The following LRCH4 variants were observed in gnomAD, a reference collection of about 807,000 sequenced individuals.
LRCH4 encodes the protein leucine-rich repeat and calponin homology domain-containing protein 4.
In LRCH4, 56 loss-of-function variants were observed where a neutral mutation model predicts 81.2. That is an observed-to-expected ratio of 0.69 (90% CI 0.56 to 0.86). LRCH4 has a LOEUF of 0.86. Among genes scored for constraint, LRCH4 ranks in the 40% least tolerant of loss-of-function variants. The pLI is 0.00. For synonymous variants in LRCH4, 442 were observed against 409.7 expected (o/e 1.08, Z -0.95); for missense variants, 895 against 922.8 (o/e 0.97, Z 0.39).
rs763558065 is a variant in LRCH4, at chr7:100,585,921, G to T, written c.180C>A (p.Gly60=). The T allele has an allele frequency of 6.2e-7, 1 of 1,611,476 alleles. No individual in the cohort carries two copies. Among genetic ancestry groups the T allele is most frequent in the Non-Finnish European group, 8.5e-7 (1 of 1,178,722 alleles). ...CTGACAGGTCGTAGCTACGGGCCGC[G>T]CCCCGGGGGAAGTGCTTCAAGCGCC... is the stretch of plus-strand genomic sequence containing the variant. ...SNRRLKHFPR[G]AARSYDLSDI... The change falls in exon 1 of 18, where the codon GGC becomes GGA. Residue 60 remains glycine (G), a synonymous_variant. Transcript: ENST00000310300.
chr7:100,576,336 G>A lies in LRCH4; in HGVS notation c.1553-13C>T, dbSNP rs1415866059. 6.3e-7 allele frequency: 1 copy of A among 1,599,464 alleles called. No homozygotes were observed. The highest frequency in any genetic ancestry group is 1.7e-5 in the Admixed American group (1 of 59,904). On this transcript the variant is annotated splice_polypyrimidine_tract_variant and intron_variant, in intron 14 of 17. Transcript: ENST00000310300. Reference sequence around the variant, plus strand: ...GGTGAGGAAGGGCCTAGGAGAAAAAGGGGGGCATGGGGCTGCCTCCACTGC... The same window carrying A: ...GGTGAGGAAGGGCCTAGGAGAAAAAAGGGGGCATGGGGCTGCCTCCACTGC...
rs369164222 is a variant in LRCH4 at position 100,577,735 on chromosome 7, C to T, written c.1045G>A (p.Gly349Arg). ...ATGAAGTCAATCTGCACAGGGTCTC[C>T]GTCCGCTGGGGAGGCCAGCATGTCA... ...RERKEDGSAD[G>R]DPVQIDFIDS... The change falls in exon 9 of 18, where the codon GGA (glycine) becomes AGA (arginine). Residue 349 changes from glycine to arginine, a missense_variant. Transcript: ENST00000310300. The surrounding 1 kb of genome is among the most constrained non-coding windows in gnomAD (Gnocchi z 6.7). The T allele has an allele frequency of 9.1e-5, 147 of 1,613,972 alleles. No individual in the cohort carries two copies. The highest frequency in any genetic ancestry group is 1.6e-4 in the East Asian group (7 of 44,886).
At position 100,578,493 on chromosome 7, in the gene LRCH4, G is replaced by A; in HGVS notation, c.754C>T (p.Leu252Phe). Reference protein sequence around the residue: ...PPAQVCLKGKLHIFKYLSTEA... With the variant: ...PPAQVCLKGKFHIFKYLSTEA... ...GTGGACAAATACTTGAAGATGTGAA[G>A]TTTCCCCTTCAGGCAGACCTGTGTG... is the stretch of plus-strand genomic sequence containing the variant. The change falls in exon 6 of 18, where the codon CTT (leucine) becomes TTT (phenylalanine). Residue 252 changes from leucine to phenylalanine, a missense_variant. Transcript: ENST00000310300. The surrounding 1 kb of genome is among the most constrained non-coding windows in gnomAD (Gnocchi z 5.7). 1 of 1,614,018 alleles carries A rather than the reference G, an allele frequency of 6.2e-7. No homozygotes were observed. The highest frequency in any genetic ancestry group is 1.3e-5 in the African/African-American group (1 of 75,056).
rs1312089167 is a variant in LRCH4 at position 100,583,201 on chromosome 7, C to T, written c.221-742G>A. 1.3e-5 allele frequency among the ~76,000 whole-genome samples: 2 copies of T among 152,188 alleles called. No homozygotes were observed. The highest frequency in any genetic ancestry group is 4.8e-5 in the African/African-American group (2 of 41,448). On this transcript the variant is annotated intron_variant, in intron 1 of 17. Coordinates refer to ENST00000310300, the MANE Select transcript of LRCH4 (RefSeq NM_002319.5). This position sits in a 1 kb window ranked among gnomAD's most constrained non-coding sequence, Gnocchi z 4.3. ...CCTTCCTACCCTCTGCTAGCCCTAGCAGCCCGGCTCTGCTTCCTCTCTTAC... is the reference window on the plus strand; with the variant it reads ...CCTTCCTACCCTCTGCTAGCCCTAGTAGCCCGGCTCTGCTTCCTCTCTTAC...
Position 100,576,079 on chromosome 7 carries a change from GC to G in LRCH4, c.1639-72del. 9 of 1,529,856 alleles carry G rather than the reference GC, an allele frequency of 5.9e-6. No individual in the cohort carries two copies. The South Asian group carries it at 1.1e-4, about 18-fold the overall frequency. 94.8% of individuals were successfully genotyped at this position (1,529,856 alleles called of 1,614,324 possible). A position where few individuals can be genotyped will look rare whatever the true frequency, so the allele number is the denominator to read the frequency against. On this transcript the variant is annotated intron_variant, in intron 15 of 17. Coordinates refer to ENST00000310300, the MANE Select transcript of LRCH4 (RefSeq NM_002319.5). Reference sequence around the variant, plus strand: ...GTCTGGGAGGCAGGGAGAGTGGGGGGCTCAGGGCTAGCAGGGAACTTGTGCC... The same window carrying G: ...GTCTGGGAGGCAGGGAGAGTGGGGGGTCAGGGCTAGCAGGGAACTTGTGCC...
In LRCH4 at chr7:100,578,230, G is replaced by C; in HGVS notation, c.877C>G (p.Arg293Gly). Residue 293 changes from arginine (R) to glycine (G), a missense_variant, in exon 7 of 18, where the codon CGG becomes GGG. Arg to Gly is a moderately radical substitution (Grantham distance 125, BLOSUM62 -2). Transcript: ENST00000310300. This position sits in a 1 kb window ranked among gnomAD's most constrained non-coding sequence, Gnocchi z 5.7. Reference protein sequence around the residue: ...CPAEDLFPGHRYDGGLDSGFH... With the variant: ...CPAEDLFPGHGYDGGLDSGFH... ...CCTGAGTCCAGCCCACCATCGTACC[G>C]ATGTCCCGGAAATAGATCCTCTGCA... The C allele has an allele frequency of 6.2e-7, 1 of 1,614,204 alleles. No individual in the cohort carries two copies. The highest frequency in any genetic ancestry group is 1.1e-5 in the South Asian group (1 of 91,084).
Position 100,578,876 on chromosome 7 carries a change from T to C in LRCH4, c.599-90A>G. 1 of 1,448,250 alleles carries C rather than the reference T, an allele frequency of 6.9e-7. No homozygotes were observed. Among genetic ancestry groups the C allele is most frequent in the Non-Finnish European group, 9.4e-7 (1 of 1,060,630 alleles). 89.7% of individuals were successfully genotyped at this position (1,448,250 alleles called of 1,614,324 possible). A position where few individuals can be genotyped will look rare whatever the true frequency, so the allele number is the denominator to read the frequency against. On this transcript the variant is annotated intron_variant, in intron 4 of 17. Transcript: ENST00000310300. The surrounding 1 kb of genome is among the most constrained non-coding windows in gnomAD (Gnocchi z 5.7). ...CTCACCCTTGGCTCCAGCTGGCCAG[T>C]CACCCTGGGCCCAGCACAGCCTCTC...
rs1324842458 is a variant in LRCH4 at position 100,582,856 on chromosome 7, G to A, written c.221-397C>T. Among the ~76,000 whole-genome samples the A allele has an allele frequency of 3.3e-5, 5 of 152,200 alleles. No individual in the cohort carries two copies. Among genetic ancestry groups the A allele is most frequent in the Admixed American group, 6.5e-5 (1 of 15,280 alleles). ...GAAAACAGTAAGGCGAGGGGCTGGG[G>A]GGCTCCCGGAGGGAAGATGGGAAAC... On this transcript the variant is annotated intron_variant, in intron 1 of 17. Transcript: ENST00000310300. The surrounding 1 kb of genome is among the most constrained non-coding windows in gnomAD (Gnocchi z 5.0).
chr7:100,579,154 A>AACACCTCCTGTGACATG (rs1236536999), intron 4 of LRCH4: 1 of 252,000 alleles, frequency 4.0e-6, no homozygotes, highest in East Asian at 9.8e-5. Flanking sequence ...ACCCTGTTCA[A>AACACCTCCTGTGACATG]ACACCTCCTG....
rs1584406210 is a variant in LRCH4 at position 100,578,609 on chromosome 7, C to T, written c.735+41G>A. The T allele has an allele frequency of 1.2e-6, 2 of 1,606,586 alleles. No individual in the cohort carries two copies. The highest frequency in any genetic ancestry group is 1.7e-5 in the Admixed American group (1 of 59,534). On this transcript the variant is annotated intron_variant, in intron 5 of 17. Transcript: ENST00000310300. This position sits in a 1 kb window ranked among gnomAD's most constrained non-coding sequence, Gnocchi z 5.7. Reference sequence around the variant, plus strand: ...GGGGACCAACCCCACTCCTGCCTAGCCACACCCCTGTCCTCGTGGCCCCCC... The same window carrying T: ...GGGGACCAACCCCACTCCTGCCTAGTCACACCCCTGTCCTCGTGGCCCCCC...
chr7:100,575,328 A>G lies in LRCH4; in HGVS notation c.1855-24T>C, dbSNP rs370267346. 17 of 1,519,406 alleles carry G rather than the reference A, an allele frequency of 1.1e-5. No homozygotes were observed. The African/African-American group carries it at 1.4e-4, about 12-fold the overall frequency. 94.1% of individuals were successfully genotyped at this position (1,519,406 alleles called of 1,614,324 possible). The stretch of plus-strand genomic sequence containing the variant: ...GCCTGGGGGAGAGGAGAGCAGGTGG[A>G]CAAGGACAAGGGACAGACGTCAGCA... On this transcript the variant is annotated intron_variant, in intron 17 of 17. Transcript: ENST00000310300. This position sits in a 1 kb window ranked among gnomAD's most constrained non-coding sequence, Gnocchi z 5.3.
intron 1 of LRCH4, chr7:100,584,555 G>C (rs1315684310): frequency 7.8e-6 from 3 of 383,528 alleles, no homozygotes; most frequent in Admixed American, 3.1e-5. Flanking sequence ...CCAAGGGGGA[G>C]GGGAAGGGAA....
chr7:100,575,241 C>T lies in LRCH4; in HGVS notation c.1918G>A (p.Glu640Lys). ...GTARGLRTAL[E>K]AVKRVGGKAL... ...TTGCCCCCCACCCGCTTCACGGCCT[C>T]CAGCGCGGTCCGCAGCCCCCGGGCA... The change falls in exon 18 of 18, where the codon GAG becomes AAG. Residue 640 changes from glutamate (E) to lysine (K), a missense_variant. Coordinates refer to ENST00000310300, the MANE Select transcript of LRCH4 (RefSeq NM_002319.5). The surrounding 1 kb of genome is among the most constrained non-coding windows in gnomAD (Gnocchi z 5.3). The T allele has an allele frequency of 6.3e-7, 1 of 1,595,576 alleles. No homozygotes were observed.
chr7:100,575,587 G>A lies in LRCH4; in HGVS notation c.1854+118C>T. ...GCAGGGGGCATGCTGGGCAGGGCAGGGGCAGCCTGTGCCTTCATCTGAGAG... is the reference window on the plus strand; with the variant it reads ...GCAGGGGGCATGCTGGGCAGGGCAGAGGCAGCCTGTGCCTTCATCTGAGAG... On this transcript the variant is annotated intron_variant, in intron 17 of 17. Transcript: ENST00000310300. The surrounding 1 kb of genome is among the most constrained non-coding windows in gnomAD (Gnocchi z 5.3). The A allele has an allele frequency of 7.9e-7, 1 of 1,260,884 alleles. No individual in the cohort carries two copies. The highest frequency in any genetic ancestry group is 1.2e-6 in the Non-Finnish European group (1 of 860,770). The allele number at this position is 1,260,884 out of a possible 1,614,324, so 78.1% of individuals were successfully genotyped here.
At chr7:100,585,806 C>T in intron 1 of LRCH4, 75 bp downstream of exon 1, 2 of 1,422,524 alleles carry the variant, frequency 1.4e-6, no homozygotes, top group Admixed American at 2.9e-5. Context: ...GGCCCGACTC[C>T]CGGGCCGGGC....
At chr7:100,580,414 A>G (rs1032324847) in intron 4 of LRCH4, 1 of 149,546 alleles carries the variant, frequency 6.7e-6, no homozygotes, top group Admixed American at 6.6e-5. Flanking sequence ...TCACACACAC[A>G]CACACACACA....
rs144634470 is a variant in LRCH4 at position 100,575,592 on chromosome 7, G to T, written c.1854+113C>A. The T allele has an allele frequency of 2.3e-6, 3 of 1,305,922 alleles. No homozygotes were observed. Among genetic ancestry groups the T allele is most frequent in the African/African-American group, 1.4e-5 (1 of 69,050 alleles). 80.9% of individuals were successfully genotyped at this position (1,305,922 alleles called of 1,614,324 possible). ...GGGCATGCTGGGCAGGGCAGGGGCA[G>T]CCTGTGCCTTCATCTGAGAGCAGAC... On this transcript the variant is annotated intron_variant, in intron 17 of 17. Transcript: ENST00000310300. This position sits in a 1 kb window ranked among gnomAD's most constrained non-coding sequence, Gnocchi z 5.3.
Position 100,575,103 on chromosome 7 carries a change from G to T in LRCH4, c.*4C>A. The T allele has an allele frequency of 6.2e-7, 1 of 1,603,644 alleles. No homozygotes were observed. Among genetic ancestry groups the T allele is most frequent in the Non-Finnish European group, 8.5e-7 (1 of 1,173,632 alleles). On this transcript the variant is annotated 3_prime_UTR_variant, in exon 18 of 18. Transcript: ENST00000310300. The surrounding 1 kb of genome is among the most constrained non-coding windows in gnomAD (Gnocchi z 5.3). ...AAGGGGTGAGGGAGGGCCGATTTTGGGGCCTAGGAACCCAGGAGCCGAGTG... is the reference window on the plus strand; with the variant it reads ...AAGGGGTGAGGGAGGGCCGATTTTGTGGCCTAGGAACCCAGGAGCCGAGTG...
intron 1 of LRCH4, chr7:100,585,007 C>G (rs947250658): frequency 5.7e-6 from 2 of 349,270 alleles, no homozygotes; most frequent in East Asian, 7.8e-5. Context: ...TCCCCCACCC[C>G]CTACCATCCA....
Sources: gnomAD v4.1 joint callset for allele counts (sites outside exome capture counted in the v4.1 genomes callset) on GRCh38, gnomAD v4.1.1 for gene constraint, Gnocchi (gnomAD v3.1) non-coding constraint, MANE v1.5 for transcripts, NCBI Gene and HGNC (gene_info 2026-07-23, HGNC 2026-07-21) for gene names.